TACC1: variants seen among roughly 807,000 people sequenced by gnomAD.
The protein encoded by TACC1 is transforming acidic coiled-coil containing protein 1.
In TACC1, 48 loss-of-function variants were observed where a neutral mutation model predicts 84.4. The observed-to-expected ratio is 0.57, with a 90% CI of 0.45 to 0.72. TACC1 has a LOEUF of 0.72. Ranked by LOEUF, TACC1 falls within the 30% of genes least tolerant of loss-of-function variation. The pLI is 0.00. For synonymous variants in TACC1, 372 were observed against 376.3 expected, an observed-to-expected ratio of 0.99 and a Z score of 0.13; for missense variants, 920 against 973.0, an observed-to-expected ratio of 0.95 and a Z score of 0.72.
At chr8:38,839,546 G>C (rs1004181057) in intron 8 of TACC1, 5 of 323,720 alleles carry the variant, frequency 1.5e-5, no homozygotes, top group African/African-American at 1.1e-4. Context: ...GGACATTCCT[G>C]CTCTTAGAGA....
chr8:38,800,485 A>G (rs1189359396), intron 2 of TACC1, among the ~76,000 whole-genome samples: 1 of 152,190 alleles, frequency 6.6e-6, no homozygotes, highest in East Asian at 1.9e-4. Context: ...TTGATTATCT[A>G]AACGTTTCAT....
At chr8:38,750,498 A>G (rs1038875444) in intron 3 of TACC1, among the ~76,000 whole-genome samples, 1 of 152,250 alleles carries the variant, frequency 6.6e-6, no homozygotes, top group Admixed American at 6.5e-5. Flanking sequence ...AATAAGGCAT[A>G]CATGCTAGAA....
At chr8:38,770,582 T>A (rs1813401499) in intron 3 of TACC1, among the ~76,000 whole-genome samples, 1 of 152,190 alleles carries the variant, frequency 6.6e-6, no homozygotes, top group Admixed American at 6.5e-5. Flanking sequence ...CTCCTTTGTA[T>A]GTCACGCTCA....
chr8:38,740,130 C>G (rs1301610416), intron 1 of TACC1, among the ~76,000 whole-genome samples: 1 of 152,166 alleles, frequency 6.6e-6, no homozygotes, highest in Non-Finnish European at 1.5e-5. Context: ...TCTGGGTCTG[C>G]CAGAAATATC....
At chr8:38,781,373 G>T (rs900144423) in intron 3 of TACC1, among the ~76,000 whole-genome samples, 23 of 150,194 alleles carry the variant, frequency 1.5e-4, no homozygotes, top group Admixed American at 2.7e-4. Flanking sequence ...TGTAGGAGAA[G>T]AAATATTCTT....
At chr8:38,740,649 G>A (rs1024858403) in intron 1 of TACC1, among the ~76,000 whole-genome samples, 2 of 152,226 alleles carry the variant, frequency 1.3e-5, no homozygotes, top group Admixed American at 1.3e-4. Context: ...TCTCCTCCCT[G>A]TGGAATGTGC....
chr8:38,824,988 A>G (rs1827715034), intron 3 of TACC1, among the ~76,000 whole-genome samples: 1 of 152,174 alleles, frequency 6.6e-6, no homozygotes, highest in African/African-American at 2.4e-5. Flanking sequence ...CTAAGGCTCT[A>G]CTGTCTGCAA....
Position 38,852,270 on chromosome 8 carries a change from A to G in TACC1, c.*4247A>G, listed in dbSNP as rs1328849100. 4.2e-6 allele frequency: 1 copy of G among 239,702 alleles called. No individual in the cohort carries two copies. Among genetic ancestry groups the G allele is most frequent in the Non-Finnish European group, 8.6e-6 (1 of 116,804 alleles). The allele number at this position is 239,702 out of a possible 1,614,324, so 14.8% of individuals were successfully genotyped here. ...ATGGTTACAGCTATTATATAAATAT[A>G]TATTCTGGTTATAGTTCTAATATGG... On this transcript the variant is annotated 3_prime_UTR_variant, in exon 13 of 13. Transcript: ENST00000317827.
At position 38,848,455 on chromosome 8, in the gene TACC1, GAGAC is replaced by G. The variant is rs1415031525; in HGVS notation, c.*435_*438del. The G allele has an allele frequency of 6.5e-6, 1 of 153,426 alleles. No homozygotes were observed. The highest frequency in any genetic ancestry group is 6.5e-5 in the Admixed American group (1 of 15,338). The allele number at this position is 153,426 out of a possible 1,614,324, so 9.5% of individuals were successfully genotyped here. A position where few individuals can be genotyped will look rare whatever the true frequency, so the allele number is the denominator to read the frequency against. ...TTTAGTATCAGTGGTTTTATTTAAG[GAGAC>G]AGTTTGGCCTATTGTTACTTCCAAT... On this transcript the variant is annotated 3_prime_UTR_variant, in exon 13 of 13. Transcript: ENST00000317827.
intron 3 of TACC1, among the ~76,000 whole-genome samples, chr8:38,749,891 A>G (rs983049266): frequency 8.5e-5 from 13 of 152,192 alleles, no homozygotes; most frequent in African/African-American, 2.7e-4. Context: ...CGCCTGGCCA[A>G]TGCAAAGTTG....
intron 3 of TACC1, among the ~76,000 whole-genome samples, chr8:38,755,159 C>CAAAAA (rs35992046): frequency 8.3e-5 from 6 of 72,324 alleles, no homozygotes; most frequent in African/African-American, 2.2e-4. Flanking sequence ...GACTCCATCT[C>CAAAAA]AAAAAAAAAA....
Position 38,752,875 on chromosome 8 carries a change from C to T in TACC1, c.26+7382C>T, listed in dbSNP as rs187262324. Among the ~76,000 whole-genome samples the T allele has an allele frequency of 2.6e-5, 4 of 152,156 alleles. 1 individual carries two copies. Among genetic ancestry groups the T allele is most frequent in the African/African-American group, 7.2e-5 (3 of 41,494 alleles). On this transcript the variant is annotated intron_variant, in intron 3 of 14. Coordinates refer to the TACC1 transcript ENST00000518415. ...TTGAAGGAAAACTCAGTTCTGTGAA[C>T]GATTCTGAGCCCCAGAATTGGCATT...
At chr8:38,739,838 C>A (rs1273701357) in intron 1 of TACC1, among the ~76,000 whole-genome samples, 1 of 152,176 alleles carries the variant, frequency 6.6e-6, no homozygotes, top group Non-Finnish European at 1.5e-5. Flanking sequence ...GATAATAGAG[C>A]CTTCAGGCTG....
At chr8:38,736,996 G>A (rs1019867322) in intron 1 of TACC1, among the ~76,000 whole-genome samples, 8 of 152,154 alleles carry the variant, frequency 5.3e-5, no homozygotes, top group Non-Finnish European at 8.8e-5. Context: ...CCCAGCGTGG[G>A]GACATTTAGG....
intron 2 of TACC1, among the ~76,000 whole-genome samples, chr8:38,818,796 T>C (rs1826012247): frequency 6.6e-6 from 1 of 151,326 alleles, no homozygotes; most frequent in African/African-American, 2.4e-5. Context: ...TTTTTCTTCT[T>C]TTTTTTTTCT....
intron 1 of TACC1, among the ~76,000 whole-genome samples, chr8:38,734,740 G>A (rs978203647): frequency 3.3e-5 from 5 of 152,232 alleles, no homozygotes; most frequent in Admixed American, 1.3e-4. Context: ...TGGCAGTCGC[G>A]TTGCTGGCCA....
intron 3 of TACC1, among the ~76,000 whole-genome samples, chr8:38,821,281 G>C (rs976436553): frequency 9.2e-5 from 14 of 152,154 alleles, no homozygotes; most frequent in Admixed American, 9.2e-4. Context: ...ACTGTTAGGA[G>C]TCGTGTTATA....
Position 38,821,886 on chromosome 8 carries a change from G to T in TACC1, c.1391+1251G>T, listed in dbSNP as rs11778558. Reference sequence around the variant, plus strand: ...CTACACACCTAGGCTATATGGTACAGCCTGTTACTCCTAGGCTACAACCCT... The same window carrying T: ...CTACACACCTAGGCTATATGGTACATCCTGTTACTCCTAGGCTACAACCCT... On this transcript the variant is annotated intron_variant, in intron 3 of 12. Transcript: ENST00000317827. 9.7e-3 allele frequency among the ~76,000 whole-genome samples: 1,480 copies of T among 152,188 alleles called. 13 individuals are homozygous for T. Among genetic ancestry groups the T allele is most frequent in the Non-Finnish European group, 0.016 (1,069 of 68,006 alleles).
intron 7 of TACC1, among the ~76,000 whole-genome samples, chr8:38,837,354 C>T (rs918239608): frequency 6.6e-6 from 1 of 151,798 alleles, no homozygotes; most frequent in Non-Finnish European, 1.5e-5. Context: ...ACCTGGGAGA[C>T]GAAGGTTGTG....
Sources: allele counts gnomAD v4.1 joint callset (sites outside exome capture counted in the v4.1 genomes callset), GRCh38; gene constraint gnomAD v4.1.1; transcripts MANE v1.5; gene names NCBI Gene and HGNC (gene_info 2026-07-23, HGNC 2026-07-21).